Variants in DNAJC5 observed in about 807,000 individuals in gnomAD.
The protein encoded by DNAJC5 is dnaJ homolog subfamily C member 5.
In DNAJC5, 1 loss-of-function variant was observed where a neutral mutation model predicts 23.2. The observed-to-expected ratio is 0.04, with a 90% confidence interval of 0.02 to 0.20. DNAJC5 has a LOEUF of 0.20. DNAJC5 is among the 10% of genes least tolerant of loss of function. DNAJC5 has a pLI of 1.00. For synonymous variants in DNAJC5, 136 were observed against 120.0 expected (o/e 1.13, Z -0.87); for missense variants, 180 against 267.0 (o/e 0.67, Z 2.27).
intron 1 of DNAJC5, among the ~76,000 whole-genome samples, chr20:63,895,665 C>G (rs566418339): frequency 6.6e-6 from 1 of 151,826 alleles, no homozygotes; most frequent in Non-Finnish European, 1.5e-5. Context: ...GCCCCCAACC[C>G]CCCGGGGTCT....
At chr20:63,930,786 G>GA (rs2053662448) in intron 3 of DNAJC5, 65 bp from the exon 4 acceptor site, 1 of 1,607,940 alleles carries the variant, frequency 6.2e-7, no homozygotes, top group East Asian at 2.2e-5. Context: ...GGGCATTTGG[G>GA]AGTCCTGCGC....
intron 1 of DNAJC5, among the ~76,000 whole-genome samples, chr20:63,907,241 C>T (rs1012168279): frequency 3.3e-5 from 5 of 152,162 alleles, no homozygotes; most frequent in South Asian, 2.1e-4. Context: ...TTACGATGTA[C>T]GGTGCTTGGG....
At chr20:63,913,104 C>CCCTGCCCCGTCTCCATCT (rs1555878047) in intron 1 of DNAJC5, among the ~76,000 whole-genome samples, 170 of 151,960 alleles carry the variant, frequency 1.1e-3, no homozygotes, top group East Asian at 2.9e-3. Flanking sequence ...CACTGTCTCT[C>CCCTGCCCCGTCTCCATCT]CCAGAGGTGT....
Position 63,929,140 on chromosome 20 carries a change from G to T in DNAJC5, c.108-172G>T, listed in dbSNP as rs1265612343. Among the ~76,000 whole-genome samples, 1 of 152,188 alleles carries T rather than the reference G, an allele frequency of 6.6e-6. No homozygotes were observed. Among genetic ancestry groups the T allele is most frequent in the African/African-American group, 2.4e-5 (1 of 41,448 alleles). On this transcript the variant is annotated intron_variant, in intron 2 of 4. Coordinates refer to ENST00000360864, the MANE Select transcript of DNAJC5 (RefSeq NM_025219.3). The surrounding 1 kb of genome is among the most constrained non-coding windows in gnomAD (Gnocchi z 8.6). The stretch of plus-strand genomic sequence containing the variant: ...AGGAGGTTTACCTGAAACAACCGCG[G>T]AGCTTGCTTTTGTCCCTGGCCCCTG...
chr20:63,895,707 CCA>C (rs2053370701), intron 1 of DNAJC5, among the ~76,000 whole-genome samples: 1 of 152,112 alleles, frequency 6.6e-6, no homozygotes, highest in Non-Finnish European at 1.5e-5. Flanking sequence ...AGAAGCTGGG[CCA>C]TCGCTGGTCT....
chr20:63,924,363 C>T (rs1333131520), intron 1 of DNAJC5, among the ~76,000 whole-genome samples: 1 of 152,152 alleles, frequency 6.6e-6, no homozygotes, highest in Admixed American at 6.6e-5. Context: ...TGGTTTTCAA[C>T]GTACAGATTT....
Position 63,931,802 on chromosome 20 carries a change from A to C in DNAJC5, c.*234A>C. 1 of 579,956 alleles carries C rather than the reference A, an allele frequency of 1.7e-6. No individual in the cohort carries two copies. The highest frequency in any genetic ancestry group is 3.1e-6 in the Non-Finnish European group (1 of 320,144). 35.9% of individuals were successfully genotyped at this position (579,956 alleles called of 1,614,324 possible). A position where few individuals can be genotyped will look rare whatever the true frequency, so the allele number is the denominator to read the frequency against. On this transcript the variant is annotated 3_prime_UTR_variant, in exon 5 of 5. Transcript: ENST00000360864. The surrounding 1 kb of genome is among the most constrained non-coding windows in gnomAD (Gnocchi z 9.6). ...CTGTTTTTTTCCCTTTTTTAATAGC[A>C]TGTATGGGGTTCTGTTCCATGTCTG...
chr20:63,915,728 C>T (rs1385875245), intron 1 of DNAJC5, among the ~76,000 whole-genome samples: 1 of 152,244 alleles, frequency 6.6e-6, no homozygotes, highest in Non-Finnish European at 1.5e-5. Context: ...CACACCGCCT[C>T]AGGCTGAGCC....
intron 1 of DNAJC5, among the ~76,000 whole-genome samples, chr20:63,900,749 A>G (rs748927866): frequency 3.3e-5 from 5 of 152,194 alleles, no homozygotes; most frequent in Non-Finnish European, 7.3e-5. Flanking sequence ...TATTCTTGAC[A>G]TATTAAACCT....
At chr20:63,899,686 A>G (rs1286197593) in intron 1 of DNAJC5, among the ~76,000 whole-genome samples, 2 of 151,996 alleles carry the variant, frequency 1.3e-5, no homozygotes, top group African/African-American at 4.8e-5. Flanking sequence ...GGTTCAAGTG[A>G]TTCTTCTGCC....
At chr20:63,917,730 A>AT (rs1314698633) in intron 1 of DNAJC5, among the ~76,000 whole-genome samples, 1 of 147,480 alleles carries the variant, frequency 6.8e-6, no homozygotes, top group Non-Finnish European at 1.5e-5. Flanking sequence ...TAATTTTTGT[A>AT]TTTTTTGGCA....
rs544049255 is a variant in DNAJC5, at chr20:63,921,418, C to T, written c.-11-6917C>T. ...CATCCTGGCTAACACGGTGAAACCC[C>T]GTCTCTACTAAAACTGCAAAAAATT... On this transcript the variant is annotated intron_variant, in intron 1 of 4. Coordinates refer to ENST00000360864, the MANE Select transcript of DNAJC5 (RefSeq NM_025219.3). Among the ~76,000 whole-genome samples the T allele has an allele frequency of 4.6e-5, 7 of 151,900 alleles. No individual in the cohort carries two copies. The South Asian group carries it at 1.0e-3, about 23-fold the overall frequency.
chr20:63,918,526 A>G (rs2053532891), intron 1 of DNAJC5, among the ~76,000 whole-genome samples: 1 of 152,242 alleles, frequency 6.6e-6, no homozygotes, highest in South Asian at 2.1e-4. Context: ...CAAGTTATTG[A>G]TAATTTTCCA....
chr20:63,929,671 C>T lies in DNAJC5; in HGVS notation c.321+146C>T. Reference sequence around the variant, plus strand: ...TGCCGTGCGGGCACCCGAGTCTCTCCTGCCGTGCGGGCACCCGAGTCACTC... The same window carrying T: ...TGCCGTGCGGGCACCCGAGTCTCTCTTGCCGTGCGGGCACCCGAGTCACTC... On this transcript the variant is annotated intron_variant, in intron 3 of 4. Coordinates refer to ENST00000360864, the MANE Select transcript of DNAJC5 (RefSeq NM_025219.3). The surrounding 1 kb of genome is among the most constrained non-coding windows in gnomAD (Gnocchi z 8.6). The T allele has an allele frequency of 1.2e-6, 1 of 818,558 alleles. No individual in the cohort carries two copies. Among genetic ancestry groups the T allele is most frequent in the Non-Finnish European group, 2.0e-6 (1 of 501,308 alleles). 50.7% of individuals were successfully genotyped at this position (818,558 alleles called of 1,614,324 possible).
chr20:63,910,024 C>G (rs552250312), intron 1 of DNAJC5, among the ~76,000 whole-genome samples: 1 of 152,340 alleles, frequency 6.6e-6, no homozygotes, highest in Non-Finnish European at 1.5e-5. Flanking sequence ...TAGGAGCTTT[C>G]TTCTCTAGTG....
At chr20:63,925,706 G>A (rs536098488) in intron 1 of DNAJC5, among the ~76,000 whole-genome samples, 75 of 151,402 alleles carry the variant, frequency 5.0e-4, no homozygotes, top group African/African-American at 1.3e-3. Flanking sequence ...CAGTATCACC[G>A]AGATCGCGTC....
chr20:63,917,960 C>T (rs1394356782), intron 1 of DNAJC5, among the ~76,000 whole-genome samples: 2 of 152,190 alleles, frequency 1.3e-5, no homozygotes, highest in African/African-American at 4.8e-5. Flanking sequence ...GTCGCCCACT[C>T]CTCCTGCCAG....
intron 1 of DNAJC5, among the ~76,000 whole-genome samples, chr20:63,899,833 G>A (rs537020804): frequency 1.1e-4 from 17 of 150,738 alleles, no homozygotes; most frequent in African/African-American, 4.1e-4. Flanking sequence ...CGCCCATCTT[G>A]GCCTCCCAAA....
At chr20:63,924,333 T>A (rs577394564) in intron 1 of DNAJC5, among the ~76,000 whole-genome samples, 2 of 152,308 alleles carry the variant, frequency 1.3e-5, no homozygotes, top group East Asian at 3.9e-4. Flanking sequence ...TTTTCTTATC[T>A]TTAGTATCTT....
Sources: allele counts gnomAD v4.1 joint callset (sites outside exome capture counted in the v4.1 genomes callset), GRCh38; gene constraint gnomAD v4.1.1; non-coding constraint Gnocchi (gnomAD v3.1); transcripts MANE v1.5; gene names NCBI Gene and HGNC (gene_info 2026-07-23, HGNC 2026-07-21).